The following CLSTN2 variants were observed in gnomAD, a reference collection of about 807,000 sequenced individuals.
The protein encoded by CLSTN2 is calsyntenin-2.
CLSTN2 carries 48 observed loss-of-function variants against 101.2 expected under a neutral mutation model. That is an observed-to-expected ratio of 0.47 (90% CI 0.38 to 0.60). CLSTN2 has a LOEUF of 0.60. CLSTN2 is among the 20% of genes least tolerant of loss of function. CLSTN2 has a pLI of 0.00. For synonymous variants in CLSTN2, 481 were observed against 463.6 expected (o/e 1.04, Z -0.48); for missense variants, 1,160 against 1,238.2 (o/e 0.94, Z 0.95).
chr3:140,120,958 A>T (rs1032666558), intron 1 of CLSTN2, among the ~76,000 whole-genome samples: 1 of 152,222 alleles, frequency 6.6e-6, no homozygotes, highest in African/African-American at 2.4e-5. Context: ...TTTTGGAATC[A>T]TCTACTAGTG....
chr3:140,454,733 A>G (rs1933354450), intron 6 of CLSTN2: 1 of 152,222 alleles, frequency 6.6e-6, no homozygotes, highest in African/African-American at 2.4e-5. Flanking sequence ...AACAGCTTTG[A>G]TCTAAAACAT....
At chr3:140,294,275 A>G (rs901775202) in intron 2 of CLSTN2, among the ~76,000 whole-genome samples, 2 of 152,236 alleles carry the variant, frequency 1.3e-5, no homozygotes, top group African/African-American at 4.8e-5. Flanking sequence ...AGAAATTGTA[A>G]CAGTCATGGG....
chr3:140,390,112 T>C (rs115691323), intron 2 of CLSTN2, among the ~76,000 whole-genome samples: 6,555 of 151,708 alleles, frequency 0.043, 286 homozygotes, highest in African/African-American at 0.11. Context: ...ATACATAACA[T>C]ATTCAAATTC....
intron 2 of CLSTN2, among the ~76,000 whole-genome samples, chr3:140,211,973 C>A (rs2010861225): frequency 6.6e-6 from 1 of 152,166 alleles, no homozygotes; most frequent in Non-Finnish European, 1.5e-5. Context: ...TAACTCTAAA[C>A]CTGCATAGAT....
At chr3:140,175,873 T>C in intron 1 of CLSTN2, 78 bp from the exon 2 acceptor site, 3 of 1,382,204 alleles carry the variant, frequency 2.2e-6, no homozygotes, top group Non-Finnish European at 3.0e-6. Flanking sequence ...TGGGCAAATA[T>C]ACAATCTTAA....
intron 8 of CLSTN2, among the ~76,000 whole-genome samples, chr3:140,476,185 A>T (rs1933979188): frequency 6.6e-6 from 1 of 152,210 alleles, no homozygotes. Context: ...AGGGCAAAAA[A>T]TTGGTAAAAT....
chr3:140,565,194 T>C (rs1192097248), intron 16 of CLSTN2, among the ~76,000 whole-genome samples: 1 of 152,036 alleles, frequency 6.6e-6, no homozygotes, highest in Non-Finnish European at 1.5e-5. Context: ...CAAAAGTCAA[T>C]GACCTTGAGG....
At chr3:140,016,703 G>A (rs564539335) in intron 1 of CLSTN2, among the ~76,000 whole-genome samples, 26 of 149,220 alleles carry the variant, frequency 1.7e-4, no homozygotes, top group South Asian at 6.4e-4. Context: ...AGAGGCTGAG[G>A]CAGGAGAATC....
intron 2 of CLSTN2, among the ~76,000 whole-genome samples, chr3:140,274,560 G>A (rs1260125411): frequency 6.6e-6 from 1 of 152,218 alleles, no homozygotes; most frequent in East Asian, 1.9e-4. Context: ...CCGGGGCACT[G>A]GGAGAATTGA....
At chr3:140,406,544 T>C (rs1193047311) in intron 4 of CLSTN2, among the ~76,000 whole-genome samples, 1 of 152,196 alleles carries the variant, frequency 6.6e-6, no homozygotes, top group East Asian at 1.9e-4. Flanking sequence ...TAATTTTAAT[T>C]AGTAGAGCCT....
At chr3:140,153,669 G>A (rs188241396) in intron 1 of CLSTN2, among the ~76,000 whole-genome samples, 51 of 152,340 alleles carry the variant, frequency 3.3e-4, no homozygotes, top group Non-Finnish European at 6.5e-4. Context: ...CCTTTTGAGG[G>A]TAAAGGGCCT....
At chr3:140,295,322 T>TAGTGGGTA (rs1332521517) in intron 2 of CLSTN2, among the ~76,000 whole-genome samples, 2 of 152,232 alleles carry the variant, frequency 1.3e-5, no homozygotes, top group African/African-American at 4.8e-5. Flanking sequence ...TCAGCTTGTA[T>TAGTGGGTA]AGTGGGTATT....
chr3:140,260,176 C>T (rs1362791830), intron 2 of CLSTN2, among the ~76,000 whole-genome samples: 1 of 148,616 alleles, frequency 6.7e-6, no homozygotes. Flanking sequence ...AAATACTGTA[C>T]ACCATACAAA....
intron 1 of CLSTN2, among the ~76,000 whole-genome samples, chr3:140,007,813 G>A (rs1456998403): frequency 6.6e-6 from 1 of 152,170 alleles, no homozygotes; most frequent in Non-Finnish European, 1.5e-5. Context: ...CCTTCCTCTG[G>A]CATTCAGCAG....
At chr3:140,029,674 G>A (rs2007506250) in intron 1 of CLSTN2, among the ~76,000 whole-genome samples, 1 of 152,212 alleles carries the variant, frequency 6.6e-6, no homozygotes, top group Non-Finnish European at 1.5e-5. Context: ...ACATAGAGAT[G>A]AGAAATGCTT....
chr3:140,007,105 CCCA>C (rs1342425218), intron 1 of CLSTN2, among the ~76,000 whole-genome samples: 1 of 148,676 alleles, frequency 6.7e-6, no homozygotes, highest in Non-Finnish European at 1.5e-5. Context: ...CTATTTCTGA[CCCA>C]CCGAGAAGTT....
intron 1 of CLSTN2, among the ~76,000 whole-genome samples, chr3:140,114,853 A>G (rs1354110965): frequency 6.6e-6 from 1 of 151,794 alleles, no homozygotes; most frequent in Non-Finnish European, 1.5e-5. Flanking sequence ...CCCTCCCCCC[A>G]TTTCTCCATT....
At chr3:140,183,097 G>C (rs1464108021) in intron 2 of CLSTN2, among the ~76,000 whole-genome samples, 3 of 152,168 alleles carry the variant, frequency 2.0e-5, no homozygotes, top group African/African-American at 4.8e-5. Flanking sequence ...TAGAAGGTGA[G>C]GGATGGGGTC....
intron 1 of CLSTN2, among the ~76,000 whole-genome samples, chr3:140,074,723 A>G (rs1351265734): frequency 6.6e-6 from 1 of 152,188 alleles, no homozygotes; most frequent in Non-Finnish European, 1.5e-5. Context: ...GATGGGATGC[A>G]AATTCAGTTC....
Sources: allele counts gnomAD v4.1 joint callset (sites outside exome capture counted in the v4.1 genomes callset), GRCh38; gene constraint gnomAD v4.1.1; transcripts MANE v1.5; gene names NCBI Gene and HGNC (gene_info 2026-07-23, HGNC 2026-07-21).